RBM4: variants seen among roughly 807,000 people sequenced by gnomAD.
RBM4 encodes the protein RNA-binding protein 4.
A neutral mutation model predicts 29.5 loss-of-function variants in RBM4; 7 were observed. The ratio of observed to expected loss-of-function variants is 0.24; its 90% CI spans 0.14 to 0.45. The LOEUF is 0.45. Among genes scored for constraint, RBM4 ranks in the 20% least tolerant of loss-of-function variants. The probability of loss-of-function intolerance (pLI) is 1.00; values close to 1 mark genes in which losing one functional copy is unlikely to be tolerated. For missense variants in RBM4, 387 were observed against 502.3 expected, an observed-to-expected ratio of 0.77 and a Z score of 2.19; for synonymous variants, 220 against 205.4, an observed-to-expected ratio of 1.07 and a Z score of -0.61.
chr11:66,649,677 G>A, downstream of RBM4: 2 of 694,362 alleles, frequency 2.9e-6, no homozygotes. Flanking sequence ...TAATTGACAA[G>A]GTTATGCTGC....
Position 66,643,573 on chromosome 11 carries a change from G to A in RBM4, c.536G>A (p.Arg179His), listed in dbSNP as rs1938560613. The change falls in exon 3 of 4, where the codon CGT becomes CAT. Residue 179 changes from arginine (R) to histidine (H), a missense_variant. Physicochemically the swap from Arg to His is conservative, Grantham distance 29. Transcript: ENST00000310092. The surrounding 1 kb of genome is among the most constrained non-coding windows in gnomAD (Gnocchi z 6.1). The stretch of plus-strand genomic sequence containing the variant: ...TGGTCCAAAGAGTGTCCGATAGATC[G>A]TTCAGGCCGCGTGGCAGACTTGACC... ...GHWSKECPIDRSGRVADLTEQ... is the reference protein window; with the variant it reads ...GHWSKECPIDHSGRVADLTEQ... The A allele has an allele frequency of 6.2e-7, 1 of 1,614,146 alleles. No homozygotes were observed. The highest frequency in any genetic ancestry group is 8.5e-7 in the Non-Finnish European group (1 of 1,180,038).
At chr11:66,664,722 T>A (rs1432256963) in intron 2 of RBM4, among the ~76,000 whole-genome samples, 1 of 152,234 alleles carries the variant, frequency 6.6e-6, no homozygotes, top group Non-Finnish European at 1.5e-5. Flanking sequence ...CCCAAAGTGC[T>A]GGGATTACAG....
Position 66,640,326 on chromosome 11 carries a change from G to T in RBM4, c.412+203G>T, listed in dbSNP as rs1293274011. The T allele has an allele frequency of 7.3e-6, 5 of 687,318 alleles. No individual in the cohort carries two copies. In the East Asian group the frequency reaches 1.4e-4, roughly 19 times the overall value. 42.6% of individuals were successfully genotyped at this position (687,318 alleles called of 1,614,324 possible). The stretch of plus-strand genomic sequence containing the variant: ...TTAGGCAAATGTCTCCTGGAGAAAA[G>T]CCACTCACCTTTTATTTGGAGCCCC... On this transcript the variant is annotated intron_variant, in intron 2 of 3. Transcript: ENST00000310092.
At chr11:66,651,990 G>T (rs1308401294) in intron 2 of RBM4, among the ~76,000 whole-genome samples, 1 of 152,132 alleles carries the variant, frequency 6.6e-6, no homozygotes, top group Non-Finnish European at 1.5e-5. Context: ...ACTATAGCAA[G>T]ATTCAACTGT....
At chr11:66,665,322 G>C (rs1035418422) in intron 2 of RBM4, 4 of 530,540 alleles carry the variant, frequency 7.5e-6, no homozygotes, top group African/African-American at 1.9e-5. Context: ...ACAGGAAAAA[G>C]GGGATGCCAG....
At chr11:66,639,217 C>T (rs981346383) in intron 1 of RBM4, 2 of 157,302 alleles carry the variant, frequency 1.3e-5, no homozygotes, top group South Asian at 1.8e-4. Context: ...ATCCGAGTCG[C>T]GCGTTCATTA....
In RBM4 at chr11:66,643,599, G is replaced by A. The variant is rs750982375; in HGVS notation, c.562G>A (p.Glu188Lys). The A allele has an allele frequency of 3.1e-6, 5 of 1,614,034 alleles. No homozygotes were observed. The highest frequency in any genetic ancestry group is 4.2e-6 in the Non-Finnish European group (5 of 1,180,038). Residue 188 changes from glutamate (E) to lysine (K), a missense_variant, in exon 3 of 4, where the codon GAG becomes AAG. Coordinates refer to ENST00000310092, the MANE Select transcript of RBM4 (RefSeq NM_002896.4). This position sits in a 1 kb window ranked among gnomAD's most constrained non-coding sequence, Gnocchi z 6.1. ...DRSGRVADLT[E>K]QYNEQYGAVR... The stretch of plus-strand genomic sequence containing the variant: ...TTCAGGCCGCGTGGCAGACTTGACC[G>A]AGCAATATAATGAGCAATACGGAGC...
At chr11:66,645,357 CTG>C (rs1938646128) in intron 3 of RBM4, among the ~76,000 whole-genome samples, 1 of 152,182 alleles carries the variant, frequency 6.6e-6, no homozygotes, top group Non-Finnish European at 1.5e-5. Context: ...ATTATAGTAA[CTG>C]TGTGAGTGAT....
intron 2 of RBM4, among the ~76,000 whole-genome samples, chr11:66,653,589 T>C (rs933129177): frequency 5.3e-5 from 8 of 152,178 alleles, no homozygotes; most frequent in Non-Finnish European, 1.0e-4. Flanking sequence ...CTCGAACTCT[T>C]GACCTCAGGT....
chr11:66,640,259 A>T, intron 2 of RBM4, 136 bp downstream of exon 2: 1 of 1,179,918 alleles, frequency 8.5e-7, no homozygotes, highest in Non-Finnish European at 1.2e-6. Context: ...TGGGTGATGG[A>T]CTTCTTATGA....
In RBM4 at chr11:66,646,168, C is replaced by T; in HGVS notation, c.*150C>T. 6.6e-7 allele frequency: 1 copy of T among 1,513,542 alleles called. No homozygotes were observed. The highest frequency in any genetic ancestry group is 8.8e-7 in the Non-Finnish European group (1 of 1,133,424). The allele number at this position is 1,513,542 out of a possible 1,614,324, so 93.8% of individuals were successfully genotyped here. A position where few individuals can be genotyped will look rare whatever the true frequency, so the allele number is the denominator to read the frequency against. On this transcript the variant is annotated 3_prime_UTR_variant, in exon 4 of 4. Transcript: ENST00000310092. ...GGACCTTAATTTACCTTGCTAAGTT[C>T]AGACCTTCTCTTCCTTTCCTTTCCT...
intron 2 of RBM4, among the ~76,000 whole-genome samples, chr11:66,653,966 A>G (rs1461214804): frequency 6.6e-6 from 1 of 152,070 alleles, no homozygotes; most frequent in South Asian, 2.1e-4. Context: ...CCGAGGTGCA[A>G]GGATCGCTTG....
At chr11:66,646,775 C>G (rs1289257370), downstream of RBM4, among the ~76,000 whole-genome samples, 2 of 152,202 alleles carry the variant, frequency 1.3e-5, no homozygotes, top group Non-Finnish European at 2.9e-5. Context: ...CTTAAGACTA[C>G]CATTCCAATC....
At chr11:66,659,689 C>G (rs1939037803) in intron 2 of RBM4, among the ~76,000 whole-genome samples, 1 of 152,104 alleles carries the variant, frequency 6.6e-6, no homozygotes, top group Non-Finnish European at 1.5e-5. Flanking sequence ...CTCTTTCAGC[C>G]AGATTGCTGG....
At chr11:66,661,422 T>C (rs1394030892) in intron 2 of RBM4, among the ~76,000 whole-genome samples, 1 of 152,150 alleles carries the variant, frequency 6.6e-6, no homozygotes, top group Non-Finnish European at 1.5e-5. Flanking sequence ...GCAGCCAACC[T>C]TTTTCTGCCC....
At chr11:66,663,702 ATGTGTGTGTGTG>A (rs66797662) in intron 2 of RBM4, among the ~76,000 whole-genome samples, 4 of 148,410 alleles carry the variant, frequency 2.7e-5, no homozygotes, top group African/African-American at 5.0e-5. Flanking sequence ...GTGTGTGTAT[ATGTGTGTGTGTG>A]TGTGTGTGTG....
intron 3 of RBM4, among the ~76,000 whole-genome samples, chr11:66,645,065 T>C (rs537035086): frequency 1.3e-5 from 2 of 152,262 alleles, no homozygotes; most frequent in South Asian, 4.2e-4. Flanking sequence ...GGTTGGGAGC[T>C]TTGCCATAAG....
chr11:66,639,163 T>G (rs1271646643), intron 1 of RBM4: 2 of 154,442 alleles, frequency 1.3e-5, no homozygotes, highest in Non-Finnish European at 2.9e-5. Context: ...AGAGAGGCGT[T>G]CACCACTCCA....
At chr11:66,660,649 C>CTTT (rs746698768) in intron 2 of RBM4, among the ~76,000 whole-genome samples, 1 of 132,614 alleles carries the variant, frequency 7.5e-6, no homozygotes, top group South Asian at 2.4e-4. Flanking sequence ...CCGACCTAAA[C>CTTT]TTTTTTTTTT....
Sources: allele counts gnomAD v4.1 joint callset (sites outside exome capture counted in the v4.1 genomes callset), GRCh38; gene constraint gnomAD v4.1.1; non-coding constraint Gnocchi (gnomAD v3.1); transcripts MANE v1.5; gene names NCBI Gene and HGNC (gene_info 2026-07-23, HGNC 2026-07-21).